CNBD1: variants seen among roughly 807,000 people sequenced by gnomAD.
CNBD1 encodes the protein cyclic nucleotide-binding domain-containing protein 1.
In CNBD1, 71 loss-of-function variants were observed where a neutral mutation model predicts 54.4. The observed-to-expected ratio is 1.30, with a 90% CI of 1.08 to 1.59. The LOEUF (loss-of-function observed/expected upper bound fraction) is 1.59. Among genes scored for constraint, CNBD1 ranks in the 40% most tolerant of loss-of-function variants. CNBD1 has a pLI of 0.00. For synonymous variants in CNBD1, 182 were observed against 170.7 expected (o/e 1.07, Z -0.51); for missense variants, 659 against 518.0 (o/e 1.27, Z -2.64).
chr8:87,270,839 G>A (rs1398213110), intron 6 of CNBD1, among the ~76,000 whole-genome samples: 1 of 151,638 alleles, frequency 6.6e-6, no homozygotes, highest in Non-Finnish European at 1.5e-5. Context: ...GATTTCATAA[G>A]AGTTTATATT....
chr8:86,888,617 G>T (rs76866899), intron 2 of CNBD1, among the ~76,000 whole-genome samples: 1 of 152,100 alleles, frequency 6.6e-6, no homozygotes, highest in Admixed American at 6.6e-5. Context: ...TGTAAATAGC[G>T]TCTGGCACAT....
chr8:87,050,324 G>T (rs756773749), intron 4 of CNBD1, among the ~76,000 whole-genome samples: 5 of 152,128 alleles, frequency 3.3e-5, no homozygotes, highest in Non-Finnish European at 4.4e-5. Context: ...ACTTCACTGA[G>T]GTTTGACAAA....
chr8:87,325,714 G>T (rs1186596253), intron 8 of CNBD1, among the ~76,000 whole-genome samples: 1 of 140,782 alleles, frequency 7.1e-6, no homozygotes, highest in African/African-American at 2.8e-5. Context: ...TGTGAGATGG[G>T]TTTCCTGAAT....
intron 10 of CNBD1, among the ~76,000 whole-genome samples, chr8:87,354,234 T>C (rs1445348860): frequency 6.6e-6 from 1 of 151,524 alleles, no homozygotes; most frequent in African/African-American, 2.4e-5. Context: ...ATAGTAATAA[T>C]AATAGCAATA....
chr8:87,234,095 C>A (rs1807521842), intron 5 of CNBD1, among the ~76,000 whole-genome samples: 1 of 152,180 alleles, frequency 6.6e-6, no homozygotes, highest in Non-Finnish European at 1.5e-5. Context: ...TGCAGCAATT[C>A]AGTCACATCT....
chr8:87,368,589 A>T (rs532928531), intron 10 of CNBD1, among the ~76,000 whole-genome samples: 146 of 151,972 alleles, frequency 9.6e-4, no homozygotes, highest in Admixed American at 1.9e-3. Flanking sequence ...GTGAGCTATG[A>T]TCAAGCCACT....
At chr8:87,039,181 G>A (rs1188290304) in intron 4 of CNBD1, among the ~76,000 whole-genome samples, 1 of 152,092 alleles carries the variant, frequency 6.6e-6, no homozygotes, top group South Asian at 2.1e-4. Context: ...TTCAGGAGGA[G>A]TGAACATAAC....
chr8:87,340,689 G>C (rs187327199), intron 8 of CNBD1, among the ~76,000 whole-genome samples: 2 of 151,634 alleles, frequency 1.3e-5, no homozygotes, highest in Admixed American at 6.6e-5. Flanking sequence ...TGATTAATTT[G>C]CTTTATAAAG....
chr8:87,123,854 T>C (rs993351779), intron 4 of CNBD1, among the ~76,000 whole-genome samples: 1 of 151,618 alleles, frequency 6.6e-6, no homozygotes, highest in Non-Finnish European at 1.5e-5. Flanking sequence ...GGAACAATTG[T>C]GAACAATTAA....
At chr8:87,026,836 G>A (rs1028680005) in intron 4 of CNBD1, among the ~76,000 whole-genome samples, 1 of 152,092 alleles carries the variant, frequency 6.6e-6, no homozygotes, top group Non-Finnish European at 1.5e-5. Flanking sequence ...CATTAAATTA[G>A]TCTCATTTGT....
intron 4 of CNBD1, among the ~76,000 whole-genome samples, chr8:87,057,118 C>A (rs745491261): frequency 9.2e-5 from 14 of 152,118 alleles, no homozygotes; most frequent in Non-Finnish European, 2.1e-4. Flanking sequence ...CATGTTGTGA[C>A]TACTTATGGA....
At chr8:87,096,807 T>C (rs1811329267) in intron 4 of CNBD1, among the ~76,000 whole-genome samples, 2 of 150,452 alleles carry the variant, frequency 1.3e-5, no homozygotes, top group Non-Finnish European at 3.0e-5. Flanking sequence ...TTCTTCCCTT[T>C]TTTTTTTTTT....
chr8:87,177,322 T>C (rs77617392), intron 4 of CNBD1, among the ~76,000 whole-genome samples: 3,036 of 152,320 alleles, frequency 0.02, 112 homozygotes, highest in African/African-American at 0.07. Context: ...AGACTCTTGC[T>C]ATATCAGTGG....
At chr8:87,011,143 T>A (rs1216960798) in intron 4 of CNBD1, among the ~76,000 whole-genome samples, 1 of 151,864 alleles carries the variant, frequency 6.6e-6, no homozygotes, top group Non-Finnish European at 1.5e-5. Context: ...TTTTGTAGGG[T>A]TTTCAGTTTA....
intron 8 of CNBD1, among the ~76,000 whole-genome samples, chr8:87,302,708 T>A (rs368414806): frequency 6.6e-6 from 1 of 151,788 alleles, no homozygotes; most frequent in Non-Finnish European, 1.5e-5. Flanking sequence ...CCCTGTTTGC[T>A]GATGACATGA....
intron 3 of CNBD1, among the ~76,000 whole-genome samples, chr8:86,915,996 T>TG (rs1809178444): frequency 6.6e-6 from 1 of 152,174 alleles, no homozygotes; most frequent in South Asian, 2.1e-4. Flanking sequence ...TATTAACTTT[T>TG]GATGTATCTT....
At chr8:87,003,479 A>G (rs1232342416) in intron 4 of CNBD1, among the ~76,000 whole-genome samples, 1 of 152,156 alleles carries the variant, frequency 6.6e-6, no homozygotes, top group Admixed American at 6.5e-5. Flanking sequence ...TAATCACTAT[A>G]TGTGTTACCC....
intron 10 of CNBD1, among the ~76,000 whole-genome samples, chr8:87,364,698 T>C (rs1244282619): frequency 6.6e-6 from 1 of 151,964 alleles, no homozygotes; most frequent in African/African-American, 2.4e-5. Context: ...TGTGCATTCA[T>C]GTGTTCTCAT....
chr8:87,394,347 C>G (rs76198044), intron 2 of CNBD1, among the ~76,000 whole-genome samples: 2,869 of 151,986 alleles, frequency 0.019, 91 homozygotes, highest in African/African-American at 0.062. Context: ...AGTTCAACTT[C>G]ACATATATTC....
Sources: allele counts gnomAD v4.1 joint callset (sites outside exome capture counted in the v4.1 genomes callset), GRCh38; gene constraint gnomAD v4.1.1; transcripts MANE v1.5; gene names NCBI Gene and HGNC (gene_info 2026-07-23, HGNC 2026-07-21).